SOX6: variants seen among roughly 807,000 people sequenced by gnomAD.
SOX6 encodes transcription factor SOX-6.
SOX6 carries 11 observed loss-of-function variants against 97.8 expected under a neutral mutation model. That is an observed-to-expected ratio of 0.11 (90% CI 0.07 to 0.19). The LOEUF (loss-of-function observed/expected upper bound fraction) is 0.19. Among genes scored for constraint, SOX6 ranks in the 10% least tolerant of loss-of-function variants. The pLI, the probability that SOX6 is intolerant of heterozygous loss-of-function variation, is 1.00. For synonymous variants in SOX6, 360 were observed against 371.4 expected (o/e 0.97, Z 0.35); for missense variants, 810 against 1,039.5 (o/e 0.78, Z 3.04).
chr11:16,365,381 A>C (rs577529253), intron 1 of SOX6, among the ~76,000 whole-genome samples: 2 of 151,854 alleles, frequency 1.3e-5, no homozygotes, highest in Admixed American at 6.6e-5. Context: ...ATCATAAATA[A>C]ATTTCCTCTT....
At chr11:16,177,284 A>G (rs187465108) in intron 6 of SOX6, among the ~76,000 whole-genome samples, 476 of 152,070 alleles carry the variant, frequency 3.1e-3, no homozygotes, top group Non-Finnish European at 5.3e-3. Flanking sequence ...CGAGTTTAAC[A>G]TTCTGTGAAA....
intron 4 of SOX6, among the ~76,000 whole-genome samples, chr11:16,498,269 G>T (rs1229250467): frequency 2.0e-5 from 3 of 152,118 alleles, no homozygotes; most frequent in African/African-American, 7.2e-5. Context: ...GAGAGATTTT[G>T]TCACCACCAG....
rs115578824 is a variant in SOX6, at chr11:16,050,428, C to A, written c.1252-490G>T. 8.8e-3 allele frequency among the ~76,000 whole-genome samples: 1,345 copies of A among 152,262 alleles called. 20 individuals are homozygous for A. The highest frequency in any genetic ancestry group is 0.031 in the African/African-American group (1,274 of 41,540). On this transcript the variant is annotated intron_variant, in intron 10 of 15. Transcript: ENST00000683767. ...GAAAGCCTTTTTCTGATGTACTAGG[C>A]CCCTGCCCAGGGAGCCACATGCCAC...
At chr11:16,731,547 C>G (rs1489284746) in intron 2 of SOX6, among the ~76,000 whole-genome samples, 2 of 152,158 alleles carry the variant, frequency 1.3e-5, no homozygotes, top group Admixed American at 6.6e-5. Flanking sequence ...ATTCAACACC[C>G]TTTCATACTA....
chr11:16,196,075 T>C (rs1851766703), intron 4 of SOX6, among the ~76,000 whole-genome samples: 1 of 152,248 alleles, frequency 6.6e-6, no homozygotes, highest in Admixed American at 6.5e-5. Flanking sequence ...AGGGAATCTC[T>C]GCTCTAGCCC....
intron 6 of SOX6, among the ~76,000 whole-genome samples, chr11:16,132,337 A>AGG (rs1849781703): frequency 3.2e-5 from 3 of 94,598 alleles, no homozygotes; most frequent in African/African-American, 8.2e-5. Flanking sequence ...GAAGGAAAGA[A>AGG]AAAAGAAAGA....
intron 4 of SOX6, among the ~76,000 whole-genome samples, chr11:16,497,470 T>A (rs570976568): frequency 6.6e-6 from 1 of 152,166 alleles, no homozygotes; most frequent in East Asian, 1.9e-4. Context: ...GGACAGAGAA[T>A]GACTTTGATA....
intron 4 of SOX6, among the ~76,000 whole-genome samples, chr11:16,502,880 G>C (rs1177594434): frequency 6.6e-6 from 1 of 152,142 alleles, no homozygotes; most frequent in African/African-American, 2.4e-5. Context: ...GATCCCCAGA[G>C]AGATGCAAGT....
chr11:16,117,537 T>C (rs550385120), intron 6 of SOX6, among the ~76,000 whole-genome samples: 2 of 152,298 alleles, frequency 1.3e-5, no homozygotes, highest in South Asian at 2.1e-4. Context: ...CCATGTATTA[T>C]ACTTACTAAA....
At position 16,111,870 on chromosome 11, in the gene SOX6, C is replaced by G. The variant is rs575485047; in HGVS notation, c.831G>C (p.Arg277=). Residue 277 remains arginine, a synonymous_variant, in exon 7 of 16, where the codon CGG becomes CGC. Transcript: ENST00000683767. ...GGGCAGCAGCAGCTGCTGCCAGAGTCCGCTGGTCATGTGGAAAAATTGGGA... is the reference window on the plus strand; with the variant it reads ...GGGCAGCAGCAGCTGCTGCCAGAGTGCGCTGGTCATGTGGAAAAATTGGGA... ...LMIPIFPHDQ[R]TLAAAAAAQQ... The G allele has an allele frequency of 2.5e-6, 4 of 1,612,718 alleles. No homozygotes were observed. The highest frequency in any genetic ancestry group is 3.4e-6 in the Non-Finnish European group (4 of 1,179,950).
chr11:16,737,938 A>G (rs921333536), intron 1 of SOX6, among the ~76,000 whole-genome samples: 7 of 152,112 alleles, frequency 4.6e-5, no homozygotes, highest in Admixed American at 6.5e-5. Flanking sequence ...CTTTTGTGGC[A>G]GGGATGGACT....
At chr11:16,416,326 A>G (rs1226076712) in intron 1 of SOX6, among the ~76,000 whole-genome samples, 1 of 152,186 alleles carries the variant, frequency 6.6e-6, no homozygotes, top group Non-Finnish European at 1.5e-5. Flanking sequence ...ATATAAAACA[A>G]CAGATAGGCA....
chr11:16,233,918 A>G (rs1852933906), intron 4 of SOX6, among the ~76,000 whole-genome samples: 1 of 151,684 alleles, frequency 6.6e-6, no homozygotes, highest in Non-Finnish European at 1.5e-5. Context: ...GAGGCAGGAG[A>G]ATCGCTTGAA....
intron 2 of SOX6, among the ~76,000 whole-genome samples, chr11:16,338,305 T>C (rs1331605557): frequency 6.6e-6 from 1 of 151,992 alleles, no homozygotes; most frequent in Non-Finnish European, 1.5e-5. Context: ...TAGAATGAGG[T>C]AAAATGTTTA....
At chr11:16,578,476 A>G (rs1003257149) in intron 4 of SOX6, among the ~76,000 whole-genome samples, 14 of 152,056 alleles carry the variant, frequency 9.2e-5, no homozygotes, top group African/African-American at 3.4e-4. Flanking sequence ...TTCCTCCTTT[A>G]TAAAGTGAAA....
intron 4 of SOX6, among the ~76,000 whole-genome samples, chr11:16,520,793 A>G (rs535988886): frequency 8.5e-4 from 129 of 152,312 alleles, no homozygotes; most frequent in African/African-American, 3.1e-3. Context: ...TGCTTTTCCA[A>G]TGGGCTTAAA....
At chr11:16,714,631 T>C (rs971556766) in intron 3 of SOX6, among the ~76,000 whole-genome samples, 13 of 152,180 alleles carry the variant, frequency 8.5e-5, no homozygotes, top group Non-Finnish European at 1.9e-4. Context: ...TTTGTACTTT[T>C]AGTAGAGACG....
chr11:16,516,410 C>T (rs1029530327), intron 4 of SOX6, among the ~76,000 whole-genome samples: 10 of 152,132 alleles, frequency 6.6e-5, no homozygotes, highest in Non-Finnish European at 1.5e-4. Context: ...TATCCTGAGA[C>T]TTTGCTGAAG....
At chr11:16,350,154 T>G (rs1590148471) in intron 1 of SOX6, among the ~76,000 whole-genome samples, 1 of 152,226 alleles carries the variant, frequency 6.6e-6, no homozygotes, top group Non-Finnish European at 1.5e-5. Flanking sequence ...AGAATAATGC[T>G]TTCATCTGGT....
Sources: allele counts gnomAD v4.1 joint callset (sites outside exome capture counted in the v4.1 genomes callset), GRCh38; gene constraint gnomAD v4.1.1; transcripts MANE v1.5; gene names NCBI Gene and HGNC (gene_info 2026-07-23, HGNC 2026-07-21).